PDE6C: variants seen among roughly 807,000 people sequenced by gnomAD.
The protein encoded by PDE6C is cone cGMP-specific 3',5'-cyclic phosphodiesterase subunit alpha'.
In PDE6C, 75 loss-of-function variants were observed where a neutral mutation model predicts 113.1. The ratio of observed to expected loss-of-function variants is 0.66; its 90% CI spans 0.55 to 0.80. The LOEUF (loss-of-function observed/expected upper bound fraction) is 0.80. PDE6C is among the 30% of genes least tolerant of loss of function. PDE6C has a pLI of 0.00. For missense variants in PDE6C, 912 were observed against 1,038.6 expected (o/e 0.88, Z 1.67); for synonymous variants, 375 against 363.7 (o/e 1.03, Z -0.35).
chr10:93,630,531 C>T (rs1431701354), intron 8 of PDE6C, among the ~76,000 whole-genome samples: 1 of 152,138 alleles, frequency 6.6e-6, no homozygotes, highest in Non-Finnish European at 1.5e-5. Context: ...TTTGGCTCCA[C>T]AGCCTCTTAT....
intron 15 of PDE6C, among the ~76,000 whole-genome samples, chr10:93,652,203 AC>A (rs1387652876): frequency 6.6e-6 from 1 of 152,218 alleles, no homozygotes; most frequent in African/African-American, 2.4e-5. Context: ...GAGATGGGCC[AC>A]AAATTTGGCC....
rs1460666273 is a variant in PDE6C at position 93,662,326 on chromosome 10, G to T, written c.2283+193G>T. ...AAAAATACAAAAATTAGCTGGTCATGGTGGTGCATGCCTGTAGTCCCAGCC... is the reference window on the plus strand; with the variant it reads ...AAAAATACAAAAATTAGCTGGTCATTGTGGTGCATGCCTGTAGTCCCAGCC... On this transcript the variant is annotated intron_variant, in intron 19 of 21. Transcript: ENST00000371447. Among the ~76,000 whole-genome samples, 5 of 151,962 alleles carry T rather than the reference G, an allele frequency of 3.3e-5. No homozygotes were observed. The South Asian group carries it at 6.2e-4, about 19-fold the overall frequency.
In PDE6C at chr10:93,612,973, C is replaced by T; in HGVS notation, c.248C>T (p.Ala83Val). 1.2e-6 allele frequency: 2 copies of T among 1,614,000 alleles called. No homozygotes were observed. Among genetic ancestry groups the T allele is most frequent in the East Asian group, 2.2e-5 (1 of 44,870 alleles). The change falls in exon 1 of 22, where the codon GCC becomes GTC. Residue 83 changes from alanine to valine, a missense_variant. Transcript: ENST00000371447. ...ACCCCAGAGCAGGGGGTTCACAGGG[C>T]CCTGCAGAGGCTGGCCCACCTGCTC... is the stretch of plus-strand genomic sequence containing the variant. ...GGTPEQGVHRALQRLAHLLQA... is the reference protein window; with the variant it reads ...GGTPEQGVHRVLQRLAHLLQA...
intron 20 of PDE6C, among the ~76,000 whole-genome samples, 187 bp downstream of exon 20, chr10:93,662,830 T>G (rs1445630237): frequency 6.6e-6 from 1 of 152,148 alleles, no homozygotes; most frequent in Non-Finnish European, 1.5e-5. Context: ...AACTCAGATG[T>G]GAGCGAACTG....
rs770105049 is a variant in PDE6C, at chr10:93,626,842, T to C, written c.1042T>C (p.Leu348=). The change falls in exon 7 of 22, where the codon TTG becomes CTG. Residue 348 remains leucine, a synonymous_variant. Coordinates refer to ENST00000371447, the MANE Select transcript of PDE6C (RefSeq NM_006204.4). ...AGACCACTGGACACTCATTAGTGGG[T>C]TGCCAACATATGTTGCTGAAAATGG... is the stretch of plus-strand genomic sequence containing the variant. ...PADHWTLISG[L]PTYVAENGFI... is the part of the protein sequence containing the mutation. 1.9e-6 allele frequency: 3 copies of C among 1,614,074 alleles called. No homozygotes were observed. The highest frequency in any genetic ancestry group is 1.7e-5 in the Admixed American group (1 of 60,024).
In PDE6C at chr10:93,637,834, C is replaced by G. The variant is rs112123191; in HGVS notation, c.1482+771C>G. On this transcript the variant is annotated intron_variant, in intron 11 of 21. Transcript: ENST00000371447. ...ACACCTGGGTTCTAGTCATTTGATC[C>G]TGTTTTAAAGCATGCCTTATGCTTT... 4.4e-3 allele frequency among the ~76,000 whole-genome samples: 663 copies of G among 152,192 alleles called. 7 individuals are homozygous for G. Among genetic ancestry groups the G allele is most frequent in the African/African-American group, 0.015 (637 of 41,516 alleles).
At chr10:93,639,500 T>C (rs2058548990) in intron 11 of PDE6C, among the ~76,000 whole-genome samples, 1 of 152,184 alleles carries the variant, frequency 6.6e-6, no homozygotes, top group South Asian at 2.1e-4. Context: ...GGGCAATCAT[T>C]GGTTTATCCA....
At chr10:93,630,839 A>C (rs1006119345) in intron 8 of PDE6C, among the ~76,000 whole-genome samples, 4 of 152,188 alleles carry the variant, frequency 2.6e-5, no homozygotes, top group African/African-American at 9.7e-5. Flanking sequence ...CATGGAAAAC[A>C]TGTAAACACC....
chr10:93,662,880 C>T, intron 20 of PDE6C, 148 bp from the exon 21 acceptor site: 2 of 736,590 alleles, frequency 2.7e-6, no homozygotes, highest in East Asian at 5.4e-5. Context: ...GCACGTGTCT[C>T]TTTCCCAAAC....
chr10:93,616,592 G>C (rs530112328), intron 1 of PDE6C, among the ~76,000 whole-genome samples: 67 of 151,446 alleles, frequency 4.4e-4, no homozygotes, highest in African/African-American at 1.5e-3. Flanking sequence ...GCTGGATATG[G>C]TTGGCCAAAA....
chr10:93,651,493 A>G (rs564571418), intron 15 of PDE6C, among the ~76,000 whole-genome samples: 29 of 152,288 alleles, frequency 1.9e-4, no homozygotes, highest in African/African-American at 5.8e-4. Context: ...ACTTAAAACC[A>G]TCAACTCTTG....
intron 18 of PDE6C, among the ~76,000 whole-genome samples, 171 bp from the exon 19 acceptor site, chr10:93,661,888 G>C (rs570605631): frequency 1.3e-5 from 2 of 152,136 alleles, no homozygotes; most frequent in Non-Finnish European, 2.9e-5. Flanking sequence ...CTCCCCTTTC[G>C]CATTTCAATA....
chr10:93,650,783 AT>A (rs1367859954), intron 15 of PDE6C, among the ~76,000 whole-genome samples: 1 of 152,186 alleles, frequency 6.6e-6, no homozygotes, highest in African/African-American at 2.4e-5. Flanking sequence ...GATGTTTGAC[AT>A]TTTTAAGCTA....
At chr10:93,621,573 C>G (rs2058446586) in intron 3 of PDE6C, among the ~76,000 whole-genome samples, 1 of 152,174 alleles carries the variant, frequency 6.6e-6, no homozygotes, top group Non-Finnish European at 1.5e-5. Context: ...GTATGTGGCT[C>G]TCTCCACATC....
At chr10:93,654,443 G>T (rs181494495) in intron 15 of PDE6C, among the ~76,000 whole-genome samples, 13 of 152,290 alleles carry the variant, frequency 8.5e-5, no homozygotes, top group African/African-American at 3.1e-4. Flanking sequence ...CTGTGCTGGG[G>T]TCTGTTGTGA....
intron 10 of PDE6C, among the ~76,000 whole-genome samples, chr10:93,636,119 G>A (rs2058527919): frequency 6.6e-6 from 1 of 152,136 alleles, no homozygotes; most frequent in African/African-American, 2.4e-5. Context: ...GGAGCTACCT[G>A]ATAGATGTCC....
chr10:93,638,321 A>C (rs553927103), intron 11 of PDE6C, among the ~76,000 whole-genome samples: 1 of 151,918 alleles, frequency 6.6e-6, no homozygotes, highest in South Asian at 2.1e-4. Flanking sequence ...TTGGTCTTTG[A>C]CCCTTTTTTG....
chr10:93,636,395 T>TGTGTGTGTGTGTGTGTGTGTGTG (rs1554890073), intron 10 of PDE6C, among the ~76,000 whole-genome samples: 1 of 148,528 alleles, frequency 6.7e-6, no homozygotes, highest in African/African-American at 2.6e-5. Context: ...TGTGTGTGTG[T>TGTGTGTGTGTGTGTGTGTGTGTG]GTGTGTGTGT....
chr10:93,655,610 C>CAAAAAAAAAAAAAAAAAAAAGAAAGAAAA, intron 15 of PDE6C, 150 bp from the exon 16 acceptor site: 1 of 265,126 alleles, frequency 3.8e-6, no homozygotes, highest in African/African-American at 4.9e-5. Flanking sequence ...AAAAGCAAGC[C>CAAAAAAAAAAAAAAAAAAAAGAAAGAAAA]AAAAAAAAAA....
Sources: allele counts gnomAD v4.1 joint callset (sites outside exome capture counted in the v4.1 genomes callset), GRCh38; gene constraint gnomAD v4.1.1; transcripts MANE v1.5; gene names NCBI Gene and HGNC (gene_info 2026-07-23, HGNC 2026-07-21).